The following SHOC2 variants were observed in gnomAD, a reference collection of about 807,000 sequenced individuals.
The protein encoded by SHOC2 is leucine-rich repeat protein SHOC-2.
In SHOC2, 4 loss-of-function variants were observed where a neutral mutation model predicts 50.2. That is an observed-to-expected ratio of 0.08 (90% CI 0.04 to 0.18). The LOEUF (loss-of-function observed/expected upper bound fraction) is 0.18. Ranked by LOEUF, SHOC2 falls within the 10% of genes least tolerant of loss-of-function variation. The pLI is 1.00. For synonymous variants in SHOC2, 218 were observed against 244.5 expected, an observed-to-expected ratio of 0.89 and a Z score of 1.01; for missense variants, 388 against 669.6, an observed-to-expected ratio of 0.58 and a Z score of 4.64.
chr10:110,953,147 C>T (rs780864628), intron 1 of SHOC2, among the ~76,000 whole-genome samples: 68 of 152,182 alleles, frequency 4.5e-4, no homozygotes, highest in Non-Finnish European at 5.3e-4. Context: ...GCCACACTGT[C>T]TTCCCCAATG....
At chr10:110,967,287 T>C (rs921655237) in intron 2 of SHOC2, among the ~76,000 whole-genome samples, 5 of 152,118 alleles carry the variant, frequency 3.3e-5, no homozygotes, top group African/African-American at 1.2e-4. Flanking sequence ...ATGTAAGTCT[T>C]GGTCGTTTCC....
At chr10:110,967,292 G>A (rs931608642) in intron 2 of SHOC2, among the ~76,000 whole-genome samples, 2 of 152,074 alleles carry the variant, frequency 1.3e-5, no homozygotes, top group African/African-American at 4.8e-5. Flanking sequence ...AGTCTTGGTC[G>A]TTTCCACTGT....
chr10:110,954,195 AAATTT>A (rs1337094303), intron 1 of SHOC2, among the ~76,000 whole-genome samples: 2 of 151,906 alleles, frequency 1.3e-5, no homozygotes, highest in African/African-American at 4.8e-5. Flanking sequence ...TAAATATTAC[AAATTT>A]AATTTCTTTT....
chr10:110,919,553 G>GGGGC (rs1846559348), upstream of SHOC2: 2 of 389,482 alleles, frequency 5.1e-6, no homozygotes, highest in South Asian at 1.3e-4. Context: ...GAGTGGGGGA[G>GGGGC]GGGCGGGCGG....
At chr10:110,977,996 T>C (rs917522077) in intron 2 of SHOC2, among the ~76,000 whole-genome samples, 8 of 152,250 alleles carry the variant, frequency 5.3e-5, no homozygotes, top group African/African-American at 1.9e-4. Flanking sequence ...GCTGCTCTCT[T>C]CTGTCTCCAG....
Position 111,011,813 on chromosome 10 carries a change from G to A in SHOC2, c.1744G>A (p.Val582Ile), listed in dbSNP as rs1564732203. 4 of 1,612,638 alleles carry A rather than the reference G, an allele frequency of 2.5e-6. No homozygotes were observed. Among genetic ancestry groups the A allele is most frequent in the African/African-American group, 1.3e-5 (1 of 74,838 alleles). Residue 582 changes from valine to isoleucine, a missense_variant, in exon 9 of 9, where the codon GTC becomes ATC. Val to Ile is a conservative substitution (Grantham distance 29, BLOSUM62 3). Coordinates refer to ENST00000369452, the MANE Select transcript of SHOC2 (RefSeq NM_007373.4). ...LKMQGPYRAM[V>I] is the part of the protein sequence containing the mutation. ...GATGCAGGGTCCATATCGTGCCATG[G>A]TCTGATATAAATCTGCTGGTCCCAC...
chr10:110,959,496 C>G (rs999094267), intron 1 of SHOC2, among the ~76,000 whole-genome samples: 1 of 152,154 alleles, frequency 6.6e-6, no homozygotes, highest in Non-Finnish European at 1.5e-5. Flanking sequence ...TAAAGTGAAC[C>G]TACAAAATTC....
chr10:111,005,935 G>A (rs1051944493), intron 5 of SHOC2, among the ~76,000 whole-genome samples: 2 of 152,112 alleles, frequency 1.3e-5, no homozygotes, highest in African/African-American at 4.8e-5. Context: ...TATCTTTTAT[G>A]ATGATTCTTT....
Position 110,965,009 on chromosome 10 carries a change from C to T in SHOC2, c.651C>T (p.Leu217=), listed in dbSNP as rs2134121983. The T allele has an allele frequency of 1.2e-6, 2 of 1,613,798 alleles. No homozygotes were observed. Among genetic ancestry groups the T allele is most frequent in the Non-Finnish European group, 1.7e-6 (2 of 1,179,852 alleles). Residue 217 remains leucine, a synonymous_variant, in exon 2 of 9, where the codon CTC becomes CTT. Transcript: ENST00000369452. ...VEKDIKNLSK[L]SMLSIRENKI... ...AGGACATCAAAAACTTGTCAAAACT[C>T]AGCATGCTTAGCATTCGAGAGAACA...
At chr10:110,987,851 A>G (rs1848109328) in intron 3 of SHOC2, among the ~76,000 whole-genome samples, 1 of 152,156 alleles carries the variant, frequency 6.6e-6, no homozygotes, top group Non-Finnish European at 1.5e-5. Flanking sequence ...ATTTAATGGA[A>G]AATTCCATAT....
Position 111,000,467 on chromosome 10 carries a change from A to C in SHOC2, c.894A>C (p.Ala298=), listed in dbSNP as rs767912952. The C allele has an allele frequency of 1.2e-5, 19 of 1,613,006 alleles. No homozygotes were observed. The East Asian group carries it at 4.2e-4, about 36-fold the overall frequency. ...GTCTGAGATATAACAGACTGTCAGC[A>C]ATACCCAGATCATTAGCAAAATGCA... ...RLGLRYNRLS[A]IPRSLAKCSA... The change falls in exon 4 of 9, where the codon GCA becomes GCC. Residue 298 remains alanine, a synonymous_variant. Coordinates refer to ENST00000369452, the MANE Select transcript of SHOC2 (RefSeq NM_007373.4).
chr10:110,997,654 T>A (rs1425923162), intron 3 of SHOC2, among the ~76,000 whole-genome samples: 1 of 152,190 alleles, frequency 6.6e-6, no homozygotes, highest in Non-Finnish European at 1.5e-5. Flanking sequence ...AATTATATAT[T>A]GAACATCTAT....
At chr10:110,943,368 G>A (rs1847187977) in intron 1 of SHOC2, among the ~76,000 whole-genome samples, 1 of 151,318 alleles carries the variant, frequency 6.6e-6, no homozygotes, top group Non-Finnish European at 1.5e-5. Flanking sequence ...TTCTAGTGAG[G>A]TTTGCATTTC....
chr10:110,945,440 G>A (rs182104944), intron 1 of SHOC2, among the ~76,000 whole-genome samples: 248 of 152,272 alleles, frequency 1.6e-3, no homozygotes, highest in African/African-American at 5.8e-3. Context: ...AGTTAAAATA[G>A]AAAGCTCATC....
intron 1 of SHOC2, among the ~76,000 whole-genome samples, chr10:110,935,808 CTATT>C (rs1846996189): frequency 1.3e-5 from 2 of 152,084 alleles, no homozygotes; most frequent in Non-Finnish European, 2.9e-5. Context: ...ATTCCTCAGT[CTATT>C]TACTCTCTCA....
At chr10:110,982,602 G>A (rs528349472) in intron 2 of SHOC2, among the ~76,000 whole-genome samples, 8 of 151,606 alleles carry the variant, frequency 5.3e-5, no homozygotes, top group Middle Eastern at 3.4e-3. Flanking sequence ...TTCTCTGATG[G>A]CCAGTGATGA....
chr10:110,919,625 G>A lies in SHOC2; in HGVS notation c.-267G>A. ...GGAGGAAGAGGAGGAAGGAGGGCGAGCGAGGAGGATGGCGGAGTCGGGGCT... is the reference window on the plus strand; with the variant it reads ...GGAGGAAGAGGAGGAAGGAGGGCGAACGAGGAGGATGGCGGAGTCGGGGCT... On this transcript the variant is annotated 5_prime_UTR_variant, in exon 1 of 9. Coordinates refer to ENST00000369452, the MANE Select transcript of SHOC2 (RefSeq NM_007373.4). 2.5e-6 allele frequency: 1 copy of A among 399,062 alleles called. No homozygotes were observed. Among genetic ancestry groups the A allele is most frequent in the Non-Finnish European group, 4.4e-6 (1 of 226,548 alleles). The allele number at this position is 399,062 out of a possible 1,614,324, so 24.7% of individuals were successfully genotyped here.
intron 1 of SHOC2, among the ~76,000 whole-genome samples, chr10:110,962,645 C>T (rs907399938): frequency 1.3e-5 from 2 of 152,162 alleles, no homozygotes; most frequent in Admixed American, 1.3e-4. Context: ...GCACATTTGA[C>T]CATTTGCTTC....
At chr10:110,994,721 T>C (rs4917592) in intron 3 of SHOC2, among the ~76,000 whole-genome samples, 148,437 of 152,282 alleles carry the variant, frequency 0.97, 72,443 homozygotes, top group East Asian at 1. Flanking sequence ...TAAATAAGTG[T>C]TTAGAGACAG....
Sources: gnomAD v4.1 joint callset for allele counts (sites outside exome capture counted in the v4.1 genomes callset) on GRCh38, gnomAD v4.1.1 for gene constraint, MANE v1.5 for transcripts, NCBI Gene and HGNC (gene_info 2026-07-23, HGNC 2026-07-21) for gene names.